The following IQSEC1 variants were observed in gnomAD, a reference collection of about 807,000 sequenced individuals.
IQSEC1 encodes IQ motif and SEC7 domain-containing protein 1.
In IQSEC1, 31 loss-of-function variants were observed where a neutral mutation model predicts 91.0. The observed-to-expected ratio is 0.34, with a 90% CI of 0.26 to 0.46. The LOEUF (loss-of-function observed/expected upper bound fraction) is 0.46, where lower values mean the gene tolerates loss of function less well. Among genes scored for constraint, IQSEC1 ranks in the 20% least tolerant of loss-of-function variants. IQSEC1 has a pLI of 1.00. For missense variants in IQSEC1, 1,388 were observed against 1,575.6 expected, an observed-to-expected ratio of 0.88 and a Z score of 2.02; for synonymous variants, 699 against 662.6, an observed-to-expected ratio of 1.05 and a Z score of -0.84.
At chr3:13,043,510 G>T (rs1704366998) in intron 1 of IQSEC1, among the ~76,000 whole-genome samples, 1 of 152,214 alleles carries the variant, frequency 6.6e-6, no homozygotes, top group South Asian at 2.1e-4. Context: ...CTCCTCGTCA[G>T]TCAGGTCCCA....
chr3:13,115,779 C>T (rs1299544841), intron 2 of IQSEC1, among the ~76,000 whole-genome samples: 4 of 152,216 alleles, frequency 2.6e-5, no homozygotes, highest in African/African-American at 7.2e-5. Context: ...GAGCTAGGCA[C>T]TGTTACTGAG....
intron 3 of IQSEC1, among the ~76,000 whole-genome samples, chr3:12,929,951 T>A (rs766731654): frequency 9.8e-5 from 15 of 152,306 alleles, no homozygotes; most frequent in Non-Finnish European, 1.3e-4. Context: ...CAGATTCAAG[T>A]GTGACAGGTA....
At chr3:13,026,809 T>C (rs994017868) in intron 1 of IQSEC1, among the ~76,000 whole-genome samples, 2 of 151,718 alleles carry the variant, frequency 1.3e-5, no homozygotes, top group African/African-American at 4.8e-5. Flanking sequence ...AGGAGATCTA[T>C]GTAGCTTAGT....
Position 13,103,704 on chromosome 3 carries a change from G to A in IQSEC1, c.303-56182C>T, listed in dbSNP as rs1215899015. Among the ~76,000 whole-genome samples the A allele has an allele frequency of 6.6e-6, 1 of 152,100 alleles. No homozygotes were observed. Among genetic ancestry groups the A allele is most frequent in the Non-Finnish European group, 1.5e-5 (1 of 68,016 alleles). ...TGGCAGCTGTGATTTCAGAGCAGGG[G>A]AAGGTTGGAGGCCTGACCCCCAGAG... On this transcript the variant is annotated intron_variant, in intron 2 of 15. Coordinates refer to the IQSEC1 transcript ENST00000648114. The surrounding 1 kb of genome is among the most constrained non-coding windows in gnomAD (Gnocchi z 4.1).
intron 1 of IQSEC1, among the ~76,000 whole-genome samples, chr3:13,170,520 G>A (rs1693586366): frequency 6.6e-6 from 1 of 152,190 alleles, no homozygotes; most frequent in African/African-American, 2.4e-5. Flanking sequence ...GTCTGGAAAA[G>A]CTGCAGACAC....
chr3:12,958,564 T>C (rs148120475), intron 1 of IQSEC1, among the ~76,000 whole-genome samples: 46 of 152,332 alleles, frequency 3.0e-4, no homozygotes, highest in Middle Eastern at 3.4e-3. Flanking sequence ...AAGACTGTTA[T>C]CACGTCGCTG....
chr3:13,127,446 A>C (rs2688685), intron 2 of IQSEC1, among the ~76,000 whole-genome samples: 75,630 of 136,386 alleles, frequency 0.55, 19,585 homozygotes, highest in Admixed American at 0.64. Flanking sequence ...AACAAACAAA[A>C]AAAAAAAAAC....
chr3:13,184,875 G>A (rs1693904485), intron 1 of IQSEC1, among the ~76,000 whole-genome samples: 1 of 152,212 alleles, frequency 6.6e-6, no homozygotes, highest in Admixed American at 6.5e-5. Context: ...GTGTCTGGGT[G>A]TGGGGCGTCA....
intron 3 of IQSEC1, among the ~76,000 whole-genome samples, chr3:12,928,364 G>T (rs1214399840): frequency 6.6e-6 from 1 of 152,240 alleles, no homozygotes; most frequent in Non-Finnish European, 1.5e-5. Context: ...CCATACCGCA[G>T]AAGTGAGGAT....
chr3:13,254,143 A>T (rs1695246593), intron 1 of IQSEC1, among the ~76,000 whole-genome samples: 1 of 152,210 alleles, frequency 6.6e-6, no homozygotes, highest in East Asian at 1.9e-4. Context: ...CTCTGACCTC[A>T]CTTTGGCTTT....
intron 1 of IQSEC1, among the ~76,000 whole-genome samples, chr3:13,011,239 G>A (rs1463125045): frequency 6.6e-6 from 1 of 152,126 alleles, no homozygotes; most frequent in East Asian, 1.9e-4. Context: ...AAGACCCAGG[G>A]CCTACCCGCA....
chr3:12,984,693 T>C (rs1701635816), intron 1 of IQSEC1, among the ~76,000 whole-genome samples: 1 of 151,778 alleles, frequency 6.6e-6, no homozygotes, highest in Non-Finnish European at 1.5e-5. Flanking sequence ...GAGATTTACA[T>C]GGACAAAGAT....
At chr3:13,083,595 A>T (rs983628309) in intron 2 of IQSEC1, among the ~76,000 whole-genome samples, 4 of 152,290 alleles carry the variant, frequency 2.6e-5, no homozygotes, top group African/African-American at 7.2e-5. Context: ...CTGAAAGCAG[A>T]GGCCTCGGGG....
chr3:13,089,120 G>A (rs1156634009), intron 2 of IQSEC1, among the ~76,000 whole-genome samples: 1 of 152,150 alleles, frequency 6.6e-6, no homozygotes, highest in East Asian at 1.9e-4. Flanking sequence ...GGCCCCCTTG[G>A]GCCCCTCCCC....
chr3:12,921,613 G>A (rs1193323461), intron 5 of IQSEC1, among the ~76,000 whole-genome samples: 1 of 152,248 alleles, frequency 6.6e-6, no homozygotes, highest in Non-Finnish European at 1.5e-5. Flanking sequence ...CACAGGTGAA[G>A]AAATGAGGCA....
At chr3:12,904,069 C>T (rs866283572) in intron 12 of IQSEC1, among the ~76,000 whole-genome samples, 4 of 152,354 alleles carry the variant, frequency 2.6e-5, no homozygotes, top group African/African-American at 9.6e-5. Context: ...TGTGCCCCGT[C>T]CCCAGCCTCT....
intron 1 of IQSEC1, among the ~76,000 whole-genome samples, chr3:13,236,960 G>T (rs975484707): frequency 3.3e-4 from 50 of 152,240 alleles, no homozygotes; most frequent in African/African-American, 1.2e-3. Flanking sequence ...GCCCGGCCCG[G>T]GCGCACTGGG....
chr3:13,079,555 G>A (rs1290016337), intron 2 of IQSEC1, among the ~76,000 whole-genome samples: 3 of 152,226 alleles, frequency 2.0e-5, no homozygotes, highest in Non-Finnish European at 2.9e-5. Context: ...GTGTCGTGGA[G>A]ACAGAGAACA....
intron 1 of IQSEC1, among the ~76,000 whole-genome samples, chr3:12,984,689 T>A (rs2125600494): frequency 6.6e-6 from 1 of 152,202 alleles, no homozygotes; most frequent in Non-Finnish European, 1.5e-5. Context: ...CTAGGAGATT[T>A]ACATGGACAA....
Sources: gnomAD v4.1 joint callset for allele counts (sites outside exome capture counted in the v4.1 genomes callset) on GRCh38, gnomAD v4.1.1 for gene constraint, Gnocchi (gnomAD v3.1) non-coding constraint, MANE v1.5 for transcripts, NCBI Gene and HGNC (gene_info 2026-07-23, HGNC 2026-07-21) for gene names.